Variants in ERICH6B observed in about 807,000 individuals in gnomAD.
ERICH6B encodes the protein glutamate rich 6B, also known as glutamate-rich protein 6B.
ERICH6B carries 69 observed loss-of-function variants against 80.0 expected under a neutral mutation model. That is an observed-to-expected ratio of 0.86 (90% CI 0.71 to 1.05). The LOEUF (loss-of-function observed/expected upper bound fraction) is 1.05, where lower values mean the gene tolerates loss of function less well. ERICH6B is among the 50% of genes least tolerant of loss of function. ERICH6B has a pLI of 0.00. For synonymous variants in ERICH6B, 283 were observed against 291.9 expected (o/e 0.97, Z 0.31); for missense variants, 754 against 796.1 (o/e 0.95, Z 0.64).
At chr13:45,577,862 G>A (rs1334088655) in intron 7 of ERICH6B, among the ~76,000 whole-genome samples, 7 of 152,146 alleles carry the variant, frequency 4.6e-5, no homozygotes, top group South Asian at 2.1e-4. Context: ...CAAAGTGCTC[G>A]GATTATAGGC....
intron 11 of ERICH6B, among the ~76,000 whole-genome samples, chr13:45,552,371 G>C (rs1874257093): frequency 6.6e-6 from 1 of 152,018 alleles, no homozygotes; most frequent in Non-Finnish European, 1.5e-5. Context: ...CACACACCTG[G>C]CTCAGAAGCT....
chr13:45,580,061 A>G, intron 6 of ERICH6B, 87 bp from the exon 7 acceptor site: 1 of 1,118,012 alleles, frequency 8.9e-7, no homozygotes, highest in South Asian at 1.4e-5. Context: ...TCAATTTAAA[A>G]ATCATCTCCT....
At chr13:45,582,978 C>G (rs993591391) in intron 5 of ERICH6B, among the ~76,000 whole-genome samples, 1 of 152,178 alleles carries the variant, frequency 6.6e-6, no homozygotes, top group African/African-American at 2.4e-5. Flanking sequence ...CTCATTTCAC[C>G]AACTTCCCAC....
chr13:45,569,208 C>A (rs1421510969), intron 8 of ERICH6B, among the ~76,000 whole-genome samples: 1 of 152,138 alleles, frequency 6.6e-6, no homozygotes, highest in African/African-American at 2.4e-5. Flanking sequence ...TCACTGCAAC[C>A]TCCGCCTCCC....
chr13:45,604,062 C>G (rs915247496), intron 2 of ERICH6B, among the ~76,000 whole-genome samples: 13 of 152,202 alleles, frequency 8.5e-5, no homozygotes, highest in African/African-American at 3.1e-4. Context: ...GAGCTCTCTA[C>G]ACAGGTGGCC....
intron 2 of ERICH6B, among the ~76,000 whole-genome samples, chr13:45,598,762 G>A (rs536173693): frequency 5.3e-5 from 8 of 152,306 alleles, no homozygotes; most frequent in African/African-American, 1.9e-4. Flanking sequence ...GCCCAGCGGT[G>A]AGGAGTGTGG....
rs372945963 is a variant in ERICH6B, at chr13:45,559,530, T to G, written c.1407+1839A>C. ...CTTTCAGACTTTTTGATGTAGGCAT[T>G]TAGGGCCACTAACTTTCCTCTTAGC... On this transcript the variant is annotated intron_variant, in intron 11 of 14. Transcript: ENST00000298738. Among the ~76,000 whole-genome samples the G allele has an allele frequency of 6.6e-5, 10 of 152,188 alleles. No homozygotes were observed. The East Asian group carries it at 1.9e-3, about 29-fold the overall frequency.
chr13:45,605,540 C>T (rs1949853152), intron 2 of ERICH6B, among the ~76,000 whole-genome samples: 1 of 152,226 alleles, frequency 6.6e-6, no homozygotes, highest in Admixed American at 6.5e-5. Context: ...CAAATAACTC[C>T]ACCAAGGTCA....
chr13:45,603,225 A>C (rs1213009242), intron 2 of ERICH6B, among the ~76,000 whole-genome samples: 1 of 152,246 alleles, frequency 6.6e-6, no homozygotes, highest in Non-Finnish European at 1.5e-5. Context: ...ATGCCCACCC[A>C]CATTGGTGAA....
intron 9 of ERICH6B, among the ~76,000 whole-genome samples, chr13:45,568,018 T>C (rs1874991730): frequency 6.6e-6 from 1 of 152,232 alleles, no homozygotes; most frequent in African/African-American, 2.4e-5. Context: ...AGCCTTTTCT[T>C]ACCCTGAATT....
intron 7 of ERICH6B, among the ~76,000 whole-genome samples, chr13:45,577,274 A>ATTT (rs1443888878): frequency 9.0e-6 from 1 of 110,790 alleles, no homozygotes; most frequent in African/African-American, 4.0e-5. Flanking sequence ...TTAAAAACAA[A>ATTT]TCTTTTTTTT....
intron 5 of ERICH6B, among the ~76,000 whole-genome samples, chr13:45,584,576 G>A (rs1229144340): frequency 1.3e-5 from 2 of 152,188 alleles, no homozygotes; most frequent in African/African-American, 4.8e-5. Context: ...ATCCTCTGGG[G>A]ATCTGGTTAA....
intron 8 of ERICH6B, among the ~76,000 whole-genome samples, chr13:45,574,077 A>G (rs1004864922): frequency 1.3e-5 from 2 of 152,186 alleles, no homozygotes; most frequent in African/African-American, 4.8e-5. Flanking sequence ...AAAATGAAAT[A>G]TTTAGTTTTT....
At position 45,545,021 on chromosome 13, in the gene ERICH6B, G is replaced by A. The variant is rs540944127; in HGVS notation, c.1647-36C>T. 86 of 1,501,170 alleles carry A rather than the reference G, an allele frequency of 5.7e-5. 2 individuals carry two copies. The South Asian group carries it at 9.8e-4, about 17-fold the overall frequency. The allele number at this position is 1,501,170 out of a possible 1,614,324, so 93.0% of individuals were successfully genotyped here. A position where few individuals can be genotyped will look rare whatever the true frequency, so the allele number is the denominator to read the frequency against. On this transcript the variant is annotated intron_variant, in intron 13 of 14. Transcript: ENST00000298738. ...AGAAAGCATGTCAGGCAGCCAGGGC[G>A]CTCAGCCCTGGGCCTCTGCTCCTCC...
At chr13:45,547,992 G>A (rs969107677) in intron 13 of ERICH6B, among the ~76,000 whole-genome samples, 3 of 152,138 alleles carry the variant, frequency 2.0e-5, no homozygotes, top group Non-Finnish European at 4.4e-5. Context: ...CTGCTCAGGG[G>A]GTGAAAAGAT....
At chr13:45,561,589 G>A (rs1337292734) in intron 10 of ERICH6B, 63 bp from the exon 11 acceptor site, 1 of 1,524,376 alleles carries the variant, frequency 6.6e-7, no homozygotes, top group African/African-American at 1.4e-5. Flanking sequence ...AGGAAACTTA[G>A]ATCTGTCTCT....
At position 45,541,334 on chromosome 13, in the gene ERICH6B, C is replaced by G. The variant is rs1873762016; in HGVS notation, c.*128G>C. Reference sequence around the variant, plus strand: ...AAAATGTTTACTTCAAATCAAGGAGCCACGACAGGTCCCAAATTACAAACC... The same window carrying G: ...AAAATGTTTACTTCAAATCAAGGAGGCACGACAGGTCCCAAATTACAAACC... On this transcript the variant is annotated 3_prime_UTR_variant, in exon 15 of 15. Transcript: ENST00000298738. The G allele has an allele frequency of 1.3e-6, 1 of 772,994 alleles. No homozygotes were observed. The highest frequency in any genetic ancestry group is 2.1e-6 in the Non-Finnish European group (1 of 483,086). 47.9% of individuals were successfully genotyped at this position (772,994 alleles called of 1,614,324 possible).
rs944274470 is a variant in ERICH6B at position 45,580,064 on chromosome 13, C to A, written c.920-90G>T. On this transcript the variant is annotated intron_variant, in intron 6 of 14. Transcript: ENST00000298738. Reference sequence around the variant, plus strand: ...TCCCTTATGGAATCAATTTAAAAATCATCTCCTAGATATCTGGGAAGCCTC... The same window carrying A: ...TCCCTTATGGAATCAATTTAAAAATAATCTCCTAGATATCTGGGAAGCCTC... 8 of 1,093,990 alleles carry A rather than the reference C, an allele frequency of 7.3e-6. No homozygotes were observed. The African/African-American group carries it at 7.8e-5, about 11-fold the overall frequency. 67.8% of individuals were successfully genotyped at this position (1,093,990 alleles called of 1,614,324 possible).
intron 1 of ERICH6B, among the ~76,000 whole-genome samples, chr13:45,607,851 C>T (rs1949877786): frequency 6.6e-6 from 1 of 152,160 alleles, no homozygotes; most frequent in Non-Finnish European, 1.5e-5. Flanking sequence ...CCCACCGCCA[C>T]CCCTGAATGG....
Sources: gnomAD v4.1 joint callset for allele counts (sites outside exome capture counted in the v4.1 genomes callset) on GRCh38, gnomAD v4.1.1 for gene constraint, MANE v1.5 for transcripts, NCBI Gene and HGNC (gene_info 2026-07-23, HGNC 2026-07-21) for gene names.